The following FGD3 variants were observed in gnomAD, a reference collection of about 807,000 sequenced individuals.
FGD3 encodes FYVE, RhoGEF and PH domain containing 3.
FGD3 carries 45 observed loss-of-function variants against 71.8 expected under a neutral mutation model. That is an observed-to-expected ratio of 0.63 (90% CI 0.49 to 0.80). FGD3 has a LOEUF of 0.80. Ranked by LOEUF, FGD3 falls within the 30% of genes least tolerant of loss-of-function variation. The pLI, the probability that FGD3 is intolerant of heterozygous loss-of-function variation, is 0.00. For synonymous variants in FGD3, 378 were observed against 392.8 expected (o/e 0.96, Z 0.44); for missense variants, 844 against 951.5 (o/e 0.89, Z 1.49).
chr9:93,010,420 G>T, intron 7 of FGD3, 36 bp downstream of exon 7: 2 of 1,576,630 alleles, frequency 1.3e-6, no homozygotes, highest in Non-Finnish European at 1.7e-6. Context: ...GAGGGTGCAG[G>T]GGCACCTGCC....
chr9:92,975,940 C>T (rs1859735529), intron 2 of FGD3, among the ~76,000 whole-genome samples: 1 of 152,220 alleles, frequency 6.6e-6, no homozygotes, highest in South Asian at 2.1e-4. Context: ...CAGATAGCTT[C>T]ACACCACAGG....
At chr9:92,955,626 A>C (rs1175756774) in intron 1 of FGD3, among the ~76,000 whole-genome samples, 4 of 152,212 alleles carry the variant, frequency 2.6e-5, no homozygotes, top group African/African-American at 7.2e-5. Context: ...AACAGCTTGC[A>C]AAACGATATA....
intron 6 of FGD3, among the ~76,000 whole-genome samples, chr9:93,006,903 AT>A (rs1390392263): frequency 7.2e-6 from 1 of 137,996 alleles, no homozygotes; most frequent in Non-Finnish European, 1.6e-5. Context: ...ATTTTTTTGT[AT>A]TTTTAGGAGA....
chr9:93,002,461 G>C (rs565243661), intron 3 of FGD3, among the ~76,000 whole-genome samples: 1 of 152,238 alleles, frequency 6.6e-6, no homozygotes, highest in African/African-American at 2.4e-5. Context: ...ATGGTGGTAC[G>C]CATGTAGAGC....
At chr9:92,979,861 T>C (rs75873690) in intron 3 of FGD3, among the ~76,000 whole-genome samples, 3,640 of 152,252 alleles carry the variant, frequency 0.024, 48 homozygotes, top group Non-Finnish European at 0.033. Flanking sequence ...ATTTACCCAT[T>C]ACTGTTCATA....
At position 92,969,665 on chromosome 9, in the gene FGD3, A is replaced by T. The variant is rs1030893330; in HGVS notation, c.-217-5573A>T. Among the ~76,000 whole-genome samples the T allele has an allele frequency of 6.6e-6, 1 of 151,834 alleles. No individual in the cohort carries two copies. The highest frequency in any genetic ancestry group is 2.1e-4 in the South Asian group (1 of 4,804). ...AGGTGCCGTGGTGGGTTTCTTTCAG[A>T]TGGGGGGGGACTCCCGCACGGCCTC... is the stretch of plus-strand genomic sequence containing the variant. On this transcript the variant is annotated intron_variant, in intron 1 of 17. Transcript: ENST00000375482. This position sits in a 1 kb window ranked among gnomAD's most constrained non-coding sequence, Gnocchi z 4.5.
At chr9:92,992,043 C>T (rs1860433010) in intron 3 of FGD3, among the ~76,000 whole-genome samples, 1 of 152,186 alleles carries the variant, frequency 6.6e-6, no homozygotes, top group South Asian at 2.1e-4. Context: ...TGTGTCTTTA[C>T]AGGTAAGGGG....
chr9:92,963,613 A>AT (rs1271395358), intron 1 of FGD3, among the ~76,000 whole-genome samples: 2 of 151,952 alleles, frequency 1.3e-5, no homozygotes, highest in Non-Finnish European at 2.9e-5. Flanking sequence ...AAATTGCTTT[A>AT]AAAAAAATGA....
intron 13 of FGD3, among the ~76,000 whole-genome samples, chr9:93,021,343 G>T (rs1439670673): frequency 2.0e-5 from 3 of 152,144 alleles, no homozygotes; most frequent in Non-Finnish European, 4.4e-5. Flanking sequence ...GGTCCTTGCC[G>T]AGAAGCCTGG....
At position 93,035,773 on chromosome 9, in the gene FGD3, G is replaced by A. The variant is rs2118856115; in HGVS notation, c.*184G>A. ...AGAGAGGGGCAACCACTGGCCAAGG[G>A]TCACCCAGCAAGTTTTGGCTAAGAG... On this transcript the variant is annotated 3_prime_UTR_variant, in exon 18 of 18. Coordinates refer to ENST00000375482, the MANE Select transcript of FGD3 (RefSeq NM_001083536.2). The A allele has an allele frequency of 1.1e-6, 1 of 912,710 alleles. No homozygotes were observed. Among genetic ancestry groups the A allele is most frequent in the East Asian group, 2.9e-5 (1 of 34,438 alleles). The allele number at this position is 912,710 out of a possible 1,614,324, so 56.5% of individuals were successfully genotyped here.
intron 3 of FGD3, among the ~76,000 whole-genome samples, chr9:92,999,808 C>T (rs749173277): frequency 9.2e-5 from 14 of 151,846 alleles, no homozygotes; most frequent in African/African-American, 1.5e-4. Context: ...TGGTCAGGCT[C>T]GTTTCAAACT....
At chr9:92,982,568 A>T (rs1398707459) in intron 3 of FGD3, among the ~76,000 whole-genome samples, 14 of 147,274 alleles carry the variant, frequency 9.5e-5, no homozygotes, top group South Asian at 2.1e-4. Context: ...GTATTCATTC[A>T]TTTTTTTTTT....
At chr9:93,020,584 CT>C in intron 13 of FGD3, 160 bp downstream of exon 13, 1 of 621,120 alleles carries the variant, frequency 1.6e-6, no homozygotes, top group South Asian at 1.8e-5. Context: ...AAAATAAAAA[CT>C]TAAGACAAAT....
chr9:93,021,904 C>G (rs1443784624), intron 13 of FGD3, among the ~76,000 whole-genome samples: 1 of 152,222 alleles, frequency 6.6e-6, no homozygotes, highest in Non-Finnish European at 1.5e-5. Context: ...TTAAGTCTGG[C>G]CAAGCCCTTT....
intron 1 of FGD3, among the ~76,000 whole-genome samples, chr9:92,951,370 G>A (rs1858951021): frequency 6.6e-6 from 1 of 152,166 alleles, no homozygotes; most frequent in Admixed American, 6.5e-5. Context: ...CGTGGAACTT[G>A]TAACTTCCTA....
At chr9:93,030,738 G>A (rs1278531407) in intron 15 of FGD3, among the ~76,000 whole-genome samples, 1 of 150,752 alleles carries the variant, frequency 6.6e-6, no homozygotes, top group Non-Finnish European at 1.5e-5. Flanking sequence ...GGAATAAGTA[G>A]ATGAGTCCTT....
Position 93,034,585 on chromosome 9 carries a change from C to A in FGD3, c.1830C>A (p.Pro610=). The stretch of plus-strand genomic sequence containing the variant: ...CCCAGCCCAGCCTGCTCTGCGGCCC[C>A]CTGCGGCTGTCAGAGAGCGGTGAGA... ...ADPQPSLLCG[P]LRLSESGETW... is the part of the protein sequence containing the mutation. Residue 610 remains proline (P), a synonymous_variant, in exon 17 of 18, where the codon CCC becomes CCA. Transcript: ENST00000375482. 6.2e-7 allele frequency: 1 copy of A among 1,613,492 alleles called. No individual in the cohort carries two copies. The highest frequency in any genetic ancestry group is 2.2e-5 in the East Asian group (1 of 44,874).
rs376602770 is a variant in FGD3 at position 93,035,289 on chromosome 9, C to T, written c.1927-49C>T. On this transcript the variant is annotated intron_variant, in intron 17 of 17. Transcript: ENST00000375482. ...GAGGCCCCCATCACTGAGGTGAGCCCGAGGCCGGGAAGCTGTGGCCCCGCT... is the reference window on the plus strand; with the variant it reads ...GAGGCCCCCATCACTGAGGTGAGCCTGAGGCCGGGAAGCTGTGGCCCCGCT... 190 of 1,576,046 alleles carry T rather than the reference C, an allele frequency of 1.2e-4. No homozygotes were observed. The African/African-American group carries it at 1.6e-3, about 14-fold the overall frequency.
intron 1 of FGD3, among the ~76,000 whole-genome samples, chr9:92,951,579 G>A (rs940557514): frequency 1.3e-5 from 2 of 152,272 alleles, no homozygotes; most frequent in African/African-American, 4.8e-5. Flanking sequence ...GGGAGACTGA[G>A]GTGGGAGGAT....
Sources: allele counts gnomAD v4.1 joint callset (sites outside exome capture counted in the v4.1 genomes callset), GRCh38; gene constraint gnomAD v4.1.1; non-coding constraint Gnocchi (gnomAD v3.1); transcripts MANE v1.5; gene names NCBI Gene and HGNC (gene_info 2026-07-23, HGNC 2026-07-21).